The following CDH23 variants were observed in gnomAD, a reference collection of about 807,000 sequenced individuals.
CDH23 encodes cadherin related 23.
In CDH23, 189 loss-of-function variants were observed where a neutral mutation model predicts 317.1. That is an observed-to-expected ratio of 0.60 (90% CI 0.53 to 0.67). The LOEUF is 0.67. CDH23 is among the 30% of genes least tolerant of loss of function. The probability of loss-of-function intolerance (pLI) is 0.00; values close to 1 mark genes in which losing one functional copy is unlikely to be tolerated. For synonymous variants in CDH23, 1,839 were observed against 1,876.8 expected (o/e 0.98, Z 0.52); for missense variants, 4,401 against 4,592.4 (o/e 0.96, Z 1.20).
At chr10:71,593,237 C>T (rs1311067210) in intron 9 of CDH23, among the ~76,000 whole-genome samples, 2 of 152,094 alleles carry the variant, frequency 1.3e-5, no homozygotes, top group African/African-American at 2.4e-5. Context: ...GAAAGGATGA[C>T]TTGTTTAGTA....
In CDH23 at chr10:71,778,502, G is replaced by A. The variant is rs984872186; in HGVS notation, c.5187+194G>A. ...TAACGAGGTCACTGAACTTCCCTGT[G>A]TGGCTACATCTGTCAGACAAGTGAC... On this transcript the variant is annotated intron_variant, in intron 40 of 69. Coordinates refer to ENST00000224721, the MANE Select transcript of CDH23 (RefSeq NM_022124.6). Among the ~76,000 whole-genome samples the A allele has an allele frequency of 1.8e-4, 28 of 152,288 alleles. 2 individuals are homozygous for A. The highest frequency in any genetic ancestry group is 1.2e-3 in the Admixed American group (19 of 15,296).
chr10:71,652,906 T>G (rs538042393), intron 14 of CDH23, among the ~76,000 whole-genome samples: 1 of 152,302 alleles, frequency 6.6e-6, no homozygotes, highest in Admixed American at 6.5e-5. Flanking sequence ...GGTGAGGCTT[T>G]AATTCCAATT....
chr10:71,636,375 G>A (rs576767116), intron 11 of CDH23, among the ~76,000 whole-genome samples: 4 of 152,228 alleles, frequency 2.6e-5, no homozygotes, highest in Admixed American at 6.5e-5. Context: ...AAAAGCATTC[G>A]CTGGGCATAG....
rs944940692 is a variant in CDH23 at position 71,687,589 on chromosome 10, T to C, written c.1987-58T>C. On this transcript the variant is annotated intron_variant, in intron 18 of 69. Coordinates refer to ENST00000224721, the MANE Select transcript of CDH23 (RefSeq NM_022124.6). The stretch of plus-strand genomic sequence containing the variant: ...GACTCCTTGGTGCCCACCTTAGACA[T>C]CTGGCCAGCCCACCTGCCTCCCTGC... 19 of 1,527,236 alleles carry C rather than the reference T, an allele frequency of 1.2e-5. No homozygotes were observed. The African/African-American group carries it at 2.5e-4, about 20-fold the overall frequency. The allele number at this position is 1,527,236 out of a possible 1,614,324, so 94.6% of individuals were successfully genotyped here.
chr10:71,647,507 A>G (rs1207925529), intron 14 of CDH23: 2 of 151,790 alleles, frequency 1.3e-5, no homozygotes, highest in African/African-American at 2.4e-5. Context: ...GCTGCATCCA[A>G]GCACTCAGTT....
At chr10:71,618,843 G>A (rs182981221) in intron 11 of CDH23, among the ~76,000 whole-genome samples, 48 of 124,800 alleles carry the variant, frequency 3.8e-4, no homozygotes, top group Admixed American at 1.0e-3. Flanking sequence ...GTGTGCACAC[G>A]TGTGTGTGTG....
intron 14 of CDH23, among the ~76,000 whole-genome samples, chr10:71,654,633 G>T (rs533670462): frequency 6.6e-6 from 1 of 152,324 alleles, no homozygotes; most frequent in African/African-American, 2.4e-5. Flanking sequence ...AGGGCCCGGA[G>T]GATCCATTCT....
intron 1 of CDH23, among the ~76,000 whole-genome samples, chr10:71,398,235 G>T (rs912453918): frequency 3.3e-5 from 5 of 152,186 alleles, no homozygotes; most frequent in Non-Finnish European, 5.9e-5. Context: ...GCGGTCCACT[G>T]GGAGGAAATT....
intron 3 of CDH23, among the ~76,000 whole-genome samples, chr10:71,458,449 C>T (rs1453470734): frequency 2.0e-5 from 3 of 152,250 alleles, no homozygotes; most frequent in Non-Finnish European, 4.4e-5. Flanking sequence ...CTCTGAACCT[C>T]GTTTCCCTCT....
intron 3 of CDH23, among the ~76,000 whole-genome samples, chr10:71,457,585 G>A (rs1850756289): frequency 6.6e-6 from 1 of 152,228 alleles, no homozygotes; most frequent in African/African-American, 2.4e-5. Flanking sequence ...GGGTGAAGGA[G>A]CAGCTGCTCC....
chr10:71,739,576 C>G (rs1839678424), intron 35 of CDH23, 68 bp from the exon 36 acceptor site: 1 of 1,561,834 alleles, frequency 6.4e-7, no homozygotes, highest in African/African-American at 1.4e-5. Flanking sequence ...CCAGGGAGTC[C>G]CCCTTGGCTT....
At chr10:71,499,030 T>C (rs1853130624) in intron 3 of CDH23, among the ~76,000 whole-genome samples, 1 of 152,140 alleles carries the variant, frequency 6.6e-6, no homozygotes, top group Non-Finnish European at 1.5e-5. Context: ...GATAAATGGA[T>C]AAAGAAATGT....
At chr10:71,705,185 G>T in intron 25 of CDH23, 55 bp downstream of exon 25, 1 of 1,512,028 alleles carries the variant, frequency 6.6e-7, no homozygotes, top group Non-Finnish European at 9.0e-7. Context: ...ACAGGCCTGG[G>T]TCAGGGGCAG....
chr10:71,596,428 T>A (rs1260165813), intron 9 of CDH23, among the ~76,000 whole-genome samples: 2 of 152,286 alleles, frequency 1.3e-5, no homozygotes, highest in African/African-American at 2.4e-5. Context: ...CCTCATTGGA[T>A]GGTCATGACA....
At chr10:71,789,547 C>T (rs1186973814) in intron 45 of CDH23, among the ~76,000 whole-genome samples, 1 of 152,178 alleles carries the variant, frequency 6.6e-6, no homozygotes, top group Non-Finnish European at 1.5e-5. Flanking sequence ...TGTGATGTCC[C>T]CTGAGGTGGC....
intron 28 of CDH23, among the ~76,000 whole-genome samples, chr10:71,721,368 G>A (rs1866547347): frequency 1.3e-5 from 2 of 152,134 alleles, no homozygotes; most frequent in South Asian, 4.1e-4. Context: ...GGAGAAGGTG[G>A]CATCACTCAT....
intron 9 of CDH23, among the ~76,000 whole-genome samples, chr10:71,590,890 A>C (rs1859440368): frequency 7.0e-6 from 1 of 143,346 alleles, no homozygotes; most frequent in African/African-American, 2.5e-5. Flanking sequence ...AAAAAAACAA[A>C]AAAAAACAAA....
chr10:71,525,908 C>G (rs1049874341), intron 6 of CDH23, among the ~76,000 whole-genome samples: 1 of 152,242 alleles, frequency 6.6e-6, no homozygotes, highest in African/African-American at 2.4e-5. Flanking sequence ...TTCATCTACT[C>G]ACTCACCAAA....
chr10:71,813,906 A>G (rs368806093), intron 69 of CDH23, among the ~76,000 whole-genome samples: 119 of 152,122 alleles, frequency 7.8e-4, no homozygotes, highest in African/African-American at 2.8e-3. Flanking sequence ...ACTTGTCTCA[A>G]AAAAAAAGGA....
Sources: gnomAD v4.1 joint callset for allele counts (sites outside exome capture counted in the v4.1 genomes callset) on GRCh38, gnomAD v4.1.1 for gene constraint, MANE v1.5 for transcripts, NCBI Gene and HGNC (gene_info 2026-07-23, HGNC 2026-07-21) for gene names.